Variants in SSBP3 observed in about 807,000 individuals in gnomAD.
The protein encoded by SSBP3 is single stranded DNA binding protein 3.
A neutral mutation model predicts 69.6 loss-of-function variants in SSBP3; 5 were observed. The observed-to-expected ratio is 0.07, with a 90% CI of 0.04 to 0.15. The LOEUF is 0.15. Among genes scored for constraint, SSBP3 ranks in the 10% least tolerant of loss-of-function variants. SSBP3 has a pLI of 1.00. For missense variants in SSBP3, 312 were observed against 534.0 expected (o/e 0.58, Z 4.10); for synonymous variants, 196 against 193.4 (o/e 1.01, Z -0.11).
chr1:54,389,481 G>A (rs534091838), intron 4 of SSBP3, among the ~76,000 whole-genome samples: 2 of 152,102 alleles, frequency 1.3e-5, no homozygotes, highest in East Asian at 1.9e-4. Context: ...GCTCATCTCC[G>A]TCAGGACCCA....
chr1:54,249,146 AG>A (rs954023488), intron 9 of SSBP3, among the ~76,000 whole-genome samples: 2 of 152,204 alleles, frequency 1.3e-5, no homozygotes, highest in African/African-American at 4.8e-5. Flanking sequence ...CCACACCCAG[AG>A]GAAGTCCTGA....
chr1:54,383,301 C>T (rs945509979), intron 4 of SSBP3, among the ~76,000 whole-genome samples: 6 of 151,996 alleles, frequency 3.9e-5, no homozygotes, highest in Non-Finnish European at 8.8e-5. Flanking sequence ...TTTCTTGAAC[C>T]CGGCAGGCGG....
chr1:54,399,585 C>T (rs955492955), intron 4 of SSBP3, among the ~76,000 whole-genome samples: 1 of 152,154 alleles, frequency 6.6e-6, no homozygotes, highest in Non-Finnish European at 1.5e-5. Flanking sequence ...AAAACTATCT[C>T]ATAAGTCCTC....
chr1:54,247,113 A>G (rs1285368674), intron 9 of SSBP3, among the ~76,000 whole-genome samples: 3 of 152,236 alleles, frequency 2.0e-5, no homozygotes, highest in Non-Finnish European at 4.4e-5. Flanking sequence ...CGCCAGGTCC[A>G]CAGTGAGAAG....
rs1644935998 is a variant in SSBP3, at chr1:54,257,119, T to C, written c.507+8A>G. 1.2e-6 allele frequency: 2 copies of C among 1,601,088 alleles called. No homozygotes were observed. The highest frequency in any genetic ancestry group is 1.7e-6 in the Non-Finnish European group (2 of 1,175,420). On this transcript the variant is annotated splice_region_variant and intron_variant, in intron 7 of 17. Transcript: ENST00000610401. Reference sequence around the variant, plus strand: ...GGAGGGGAGAGAGAACATGAAAAGGTACAGTACCTGGTTTCCCATTCTGAT... The same window carrying C: ...GGAGGGGAGAGAGAACATGAAAAGGCACAGTACCTGGTTTCCCATTCTGAT...
At chr1:54,340,841 G>A (rs1646594677) in intron 4 of SSBP3, among the ~76,000 whole-genome samples, 1 of 152,196 alleles carries the variant, frequency 6.6e-6, no homozygotes, top group South Asian at 2.1e-4. Context: ...CAGCCCCACT[G>A]GCTAAGAGGA....
At chr1:54,248,615 A>G (rs890274899) in intron 9 of SSBP3, among the ~76,000 whole-genome samples, 37 of 152,124 alleles carry the variant, frequency 2.4e-4, no homozygotes, top group African/African-American at 8.7e-4. Context: ...CCTCCACCTC[A>G]GAGTCCCAAA....
At chr1:54,305,281 A>C (rs1363200379) in intron 4 of SSBP3, among the ~76,000 whole-genome samples, 1 of 152,232 alleles carries the variant, frequency 6.6e-6, no homozygotes, top group Non-Finnish European at 1.5e-5. Flanking sequence ...TGCCCTTCCC[A>C]ATATCACTGG....
intron 4 of SSBP3, among the ~76,000 whole-genome samples, chr1:54,291,662 C>T (rs1315130379): frequency 6.6e-6 from 1 of 152,210 alleles, no homozygotes; most frequent in East Asian, 1.9e-4. Flanking sequence ...AGCCATTAAA[C>T]GATTCATCAG....
intron 5 of SSBP3, among the ~76,000 whole-genome samples, chr1:54,278,816 T>C (rs1185159492): frequency 1.3e-5 from 2 of 152,258 alleles, no homozygotes; most frequent in African/African-American, 4.8e-5. Context: ...GTGCAATTGT[T>C]GGTAACAGAT....
Position 54,228,525 on chromosome 1 carries a change from G to A in SSBP3, c.1007-48C>T, listed in dbSNP as rs373006832. The A allele has an allele frequency of 5.8e-5, 93 of 1,612,484 alleles. 1 individual carries two copies. Among genetic ancestry groups the A allele is most frequent in the South Asian group, 4.3e-4 (39 of 90,780 alleles). On this transcript the variant is annotated intron_variant, in intron 15 of 17. Transcript: ENST00000610401. ...TTCAGTTTCTTGCTTGCTCTTCCAC[G>A]GAGGGGTCTCCCCTCGTCCTGGGCT...
intron 17 of SSBP3, 145 bp from the exon 18 acceptor site, chr1:54,227,305 C>G (rs1195737111): frequency 1.5e-6 from 1 of 677,746 alleles, no homozygotes. Context: ...CACATGGTGG[C>G]ATGGAGTGGG....
At chr1:54,380,107 A>C (rs1647501190) in intron 4 of SSBP3, among the ~76,000 whole-genome samples, 1 of 152,174 alleles carries the variant, frequency 6.6e-6, no homozygotes, top group Non-Finnish European at 1.5e-5. Context: ...AGGCTGCTCC[A>C]GGCTCCTCCC....
At chr1:54,374,923 G>A (rs1425364431) in intron 4 of SSBP3, among the ~76,000 whole-genome samples, 2 of 152,200 alleles carry the variant, frequency 1.3e-5, no homozygotes, top group African/African-American at 4.8e-5. Context: ...GGAGGCCAGG[G>A]GCCAGAGAGG....
chr1:54,235,877 T>C (rs975772508), intron 14 of SSBP3, among the ~76,000 whole-genome samples: 1 of 152,210 alleles, frequency 6.6e-6, no homozygotes, highest in Non-Finnish European at 1.5e-5. Flanking sequence ...AAATATGTTA[T>C]AGTTTTAATG....
At chr1:54,241,362 C>T (rs1458537525) in intron 12 of SSBP3, 112 bp downstream of exon 12, 1 of 1,212,210 alleles carries the variant, frequency 8.2e-7, no homozygotes, top group Admixed American at 1.7e-5. Flanking sequence ...AGTTTGGAAC[C>T]TCTGCTCAGA....
chr1:54,341,386 C>T (rs188276222), intron 4 of SSBP3, among the ~76,000 whole-genome samples: 127 of 152,124 alleles, frequency 8.3e-4, no homozygotes, highest in African/African-American at 3.0e-3. Context: ...CACAGTGGGC[C>T]CATACCTTGA....
intron 4 of SSBP3, among the ~76,000 whole-genome samples, chr1:54,324,203 C>G (rs367735480): frequency 1.3e-5 from 2 of 152,260 alleles, no homozygotes; most frequent in Admixed American, 1.3e-4. Flanking sequence ...GAAAGCCTTC[C>G]GGCCACAGAA....
intron 4 of SSBP3, among the ~76,000 whole-genome samples, chr1:54,321,188 C>T (rs1032707575): frequency 2.0e-5 from 3 of 152,212 alleles, no homozygotes; most frequent in East Asian, 3.9e-4. Context: ...AGGCGTTGAC[C>T]CACAGGGCCT....
Sources: allele counts gnomAD v4.1 joint callset (sites outside exome capture counted in the v4.1 genomes callset), GRCh38; gene constraint gnomAD v4.1.1; transcripts MANE v1.5; gene names NCBI Gene and HGNC (gene_info 2026-07-23, HGNC 2026-07-21).